SLC24A2: variants seen among roughly 807,000 people sequenced by gnomAD.
The protein encoded by SLC24A2 is sodium/potassium/calcium exchanger 2.
Under a neutral mutation model 62.0 loss-of-function variants are expected in SLC24A2, and 36 were observed. The observed-to-expected ratio is 0.58, with a 90% CI of 0.44 to 0.77. The LOEUF is 0.77. Among genes scored for constraint, SLC24A2 ranks in the 30% least tolerant of loss-of-function variants. The probability of loss-of-function intolerance (pLI) is 0.00; values close to 1 mark genes in which losing one functional copy is unlikely to be tolerated. For synonymous variants in SLC24A2, 358 were observed against 294.0 expected (o/e 1.22, Z -2.23); for missense variants, 846 against 817.9 (o/e 1.03, Z -0.42).
chr9:19,733,523 G>C (rs1253491132), intron 2 of SLC24A2, among the ~76,000 whole-genome samples: 2 of 152,168 alleles, frequency 1.3e-5, no homozygotes, highest in Non-Finnish European at 2.9e-5. Flanking sequence ...ATGAAGACTA[G>C]CACAGCACTC....
chr9:19,673,382 G>T (rs1819472379), intron 2 of SLC24A2, among the ~76,000 whole-genome samples: 1 of 129,492 alleles, frequency 7.7e-6, no homozygotes, highest in Non-Finnish European at 1.6e-5. Flanking sequence ...GTGTCCATTT[G>T]CATGGAATAT....
Position 19,510,641 on chromosome 9 carries a change from T to C in SLC24A2, c.*5512A>G, listed in dbSNP as rs1419813209. 2.0e-5 allele frequency: 3 copies of C among 152,166 alleles called. No homozygotes were observed. The highest frequency in any genetic ancestry group is 4.4e-5 in the Non-Finnish European group (3 of 68,018). The allele number at this position is 152,166 out of a possible 1,614,324, so 9.4% of individuals were successfully genotyped here. ...AACCCTCTTAATGGAATTAAATCTT[T>C]GGTGGAAGCCTAGGCAAACTCCATG... On this transcript the variant is annotated 3_prime_UTR_variant, in exon 11 of 11. Transcript: ENST00000341998.
rs188203274 is a variant in SLC24A2, at chr9:19,646,724, G to A, written c.931-24425C>T. Among the ~76,000 whole-genome samples the A allele has an allele frequency of 1.2e-3, 175 of 152,028 alleles. 1 individual carries two copies. Among genetic ancestry groups the A allele is most frequent in the Middle Eastern group, 6.8e-3 (2 of 292 alleles). ...CCTCTTCCCACAATATTACTTCCTTGGCATGTTTAGAGTGAAAATAAGTTT... is the reference window on the plus strand; with the variant it reads ...CCTCTTCCCACAATATTACTTCCTTAGCATGTTTAGAGTGAAAATAAGTTT... On this transcript the variant is annotated intron_variant, in intron 2 of 10. Transcript: ENST00000341998.
At chr9:19,873,403 CTTCT>C in the SLC24A2 span, among the ~76,000 whole-genome samples, 2 of 141,088 alleles carry the variant, frequency 1.4e-5, no homozygotes, top group South Asian at 2.3e-4. Flanking sequence ...TCCTTCCTTC[CTTCT>C]CTTTCTTTCT....
At chr9:19,710,458 T>TGA (rs1820681807) in intron 2 of SLC24A2, among the ~76,000 whole-genome samples, 1 of 151,962 alleles carries the variant, frequency 6.6e-6, no homozygotes. Context: ...ACATCTACAT[T>TGA]GAGATATAAT....
chr9:19,719,518 C>T (rs1452167187), intron 2 of SLC24A2, among the ~76,000 whole-genome samples: 1 of 150,264 alleles, frequency 6.7e-6, no homozygotes, highest in Non-Finnish European at 1.5e-5. Context: ...ATGAGAGGAA[C>T]TGGACTGCTT....
chr9:19,665,488 T>A (rs1199080129), intron 2 of SLC24A2, among the ~76,000 whole-genome samples: 1 of 152,110 alleles, frequency 6.6e-6, no homozygotes, highest in Non-Finnish European at 1.5e-5. Context: ...AGACTTCAAT[T>A]GAAATGCATT....
the SLC24A2 span, among the ~76,000 whole-genome samples, chr9:20,271,775 A>G: frequency 1.5e-4 from 23 of 152,234 alleles, no homozygotes; most frequent in African/African-American, 5.3e-4. Context: ...GGTTTGAATG[A>G]GTTTGCAAAA....
the SLC24A2 span, among the ~76,000 whole-genome samples, chr9:19,943,371 A>G: frequency 6.6e-6 from 1 of 152,050 alleles, no homozygotes; most frequent in Admixed American, 6.6e-5. Context: ...CCACTATTCT[A>G]CTATTCTAGC....
the SLC24A2 span, among the ~76,000 whole-genome samples, chr9:20,052,742 C>A: frequency 1.4e-4 from 21 of 152,170 alleles, no homozygotes; most frequent in East Asian, 7.7e-4. Flanking sequence ...TTCTTCACAG[C>A]AGACTGTTAA....
Position 19,785,916 on chromosome 9 carries a change from T to C in SLC24A2, c.930+21A>G, listed in dbSNP as rs78924142. On this transcript the variant is annotated intron_variant, in intron 2 of 10. Transcript: ENST00000341998. ...AACCGTAGTCAAGAAAAGCATTAAA[T>C]AAAAATCCACCACCACCAACCTTTG... The C allele has an allele frequency of 2.0e-3, 3,237 of 1,614,116 alleles. 61 individuals are homozygous for C. In the African/African-American group the frequency reaches 0.039, roughly 19 times the overall value.
At chr9:20,007,594 T>C in the SLC24A2 span, among the ~76,000 whole-genome samples, 1 of 152,170 alleles carries the variant, frequency 6.6e-6, no homozygotes, top group South Asian at 2.1e-4. Context: ...GTAACTACTT[T>C]ATTGAAAAAT....
the SLC24A2 span, among the ~76,000 whole-genome samples, chr9:20,045,634 TG>T: frequency 1.3e-5 from 2 of 152,032 alleles, no homozygotes; most frequent in African/African-American, 2.4e-5. Flanking sequence ...GGTTTCACTA[TG>T]TTGGCCAGGC....
the SLC24A2 span, among the ~76,000 whole-genome samples, chr9:20,073,804 GTGTA>G: frequency 6.6e-6 from 1 of 150,800 alleles, no homozygotes; most frequent in Non-Finnish European, 1.5e-5. Context: ...TGTATACATT[GTGTA>G]TGTATATGTG....
chr9:19,717,919 G>C (rs968085323), intron 2 of SLC24A2, among the ~76,000 whole-genome samples: 1 of 150,250 alleles, frequency 6.7e-6, no homozygotes, highest in Non-Finnish European at 1.5e-5. Flanking sequence ...CATGTGTTAA[G>C]ATCTAATCAG....
At chr9:19,748,918 C>T (rs1821909020) in intron 2 of SLC24A2, among the ~76,000 whole-genome samples, 1 of 151,558 alleles carries the variant, frequency 6.6e-6, no homozygotes, top group Admixed American at 6.6e-5. Context: ...ACAACAAGAG[C>T]CTCCTCCTAT....
At chr9:19,634,829 TG>T (rs1235663877) in intron 2 of SLC24A2, among the ~76,000 whole-genome samples, 5 of 152,264 alleles carry the variant, frequency 3.3e-5, no homozygotes, top group African/African-American at 1.2e-4. Context: ...TTCAATGTCA[TG>T]CATCCCTCTA....
At chr9:19,802,351 T>A in the SLC24A2 span, among the ~76,000 whole-genome samples, 4 of 152,232 alleles carry the variant, frequency 2.6e-5, no homozygotes, top group Non-Finnish European at 5.9e-5. Context: ...TTGTAAATCT[T>A]GTGTAAGTGT....
rs76197289 is a variant in SLC24A2, at chr9:19,751,991, C to A, written c.930+33946G>T. Among the ~76,000 whole-genome samples the A allele has an allele frequency of 4.2e-3, 643 of 152,318 alleles. 1 individual carries two copies. Among genetic ancestry groups the A allele is most frequent in the Non-Finnish European group, 6.6e-3 (449 of 68,016 alleles). On this transcript the variant is annotated intron_variant, in intron 2 of 10. Transcript: ENST00000341998. ...ACCAGCTGCTTCTCTGCAAAGAAAT[C>A]ATTCATTCCTTCCCTCAAATTAGAA...
Sources: allele counts gnomAD v4.1 joint callset (sites outside exome capture counted in the v4.1 genomes callset), GRCh38; gene constraint gnomAD v4.1.1; transcripts MANE v1.5; gene names NCBI Gene and HGNC (gene_info 2026-07-23, HGNC 2026-07-21).